Variants in SLC8A1 observed in about 807,000 individuals in gnomAD.
SLC8A1 encodes the protein solute carrier family 8 member A1.
SLC8A1 carries 18 observed loss-of-function variants against 68.3 expected under a neutral mutation model. The ratio of observed to expected loss-of-function variants is 0.26; its 90% confidence interval spans 0.18 to 0.39. SLC8A1 has a LOEUF of 0.39. Ranked by LOEUF, SLC8A1 falls within the 10% of genes least tolerant of loss-of-function variation. The pLI, the probability that SLC8A1 is intolerant of heterozygous loss-of-function variation, is 1.00. For synonymous variants in SLC8A1, 475 were observed against 415.5 expected, an observed-to-expected ratio of 1.14 and a Z score of -1.74; for missense variants, 985 against 1,156.7, an observed-to-expected ratio of 0.85 and a Z score of 2.15.
At chr2:40,341,408 T>C (rs1032740883) in intron 2 of SLC8A1, among the ~76,000 whole-genome samples, 2 of 152,196 alleles carry the variant, frequency 1.3e-5, no homozygotes, top group African/African-American at 2.4e-5. Flanking sequence ...CCATGACTCA[T>C]TGAAACTATT....
intron 1 of SLC8A1, among the ~76,000 whole-genome samples, chr2:40,447,330 T>C (rs1032195665): frequency 2.6e-5 from 4 of 152,144 alleles, no homozygotes; most frequent in African/African-American, 9.7e-5. Flanking sequence ...AGTATCAAAT[T>C]TGTATTACCC....
chr2:40,275,254 T>A (rs112202234), intron 2 of SLC8A1, among the ~76,000 whole-genome samples: 5 of 152,178 alleles, frequency 3.3e-5, no homozygotes, highest in Non-Finnish European at 7.4e-5. Context: ...ATTATGACCA[T>A]GAGGCACCTA....
intron 2 of SLC8A1, among the ~76,000 whole-genome samples, chr2:40,342,952 C>T (rs893832334): frequency 2.0e-5 from 3 of 152,024 alleles, no homozygotes; most frequent in Admixed American, 2.0e-4. Context: ...TCACAGTGTA[C>T]AATAAGAGAT....
At chr2:40,482,401 T>G (rs996727885) in intron 1 of SLC8A1, among the ~76,000 whole-genome samples, 2 of 152,110 alleles carry the variant, frequency 1.3e-5, no homozygotes, top group Non-Finnish European at 2.9e-5. Context: ...TTAAAAATCT[T>G]GTATTTGTAA....
intron 1 of SLC8A1, among the ~76,000 whole-genome samples, chr2:40,483,117 C>T (rs1704748116): frequency 6.6e-6 from 1 of 151,756 alleles, no homozygotes; most frequent in South Asian, 2.1e-4. Flanking sequence ...AGTTAGCACT[C>T]TTAATGAATG....
At chr2:40,509,427 G>A (rs1296229124) in intron 1 of SLC8A1, among the ~76,000 whole-genome samples, 1 of 148,092 alleles carries the variant, frequency 6.8e-6, no homozygotes, top group Non-Finnish European at 1.5e-5. Context: ...CCTGATCAAG[G>A]GGATTTGGAA....
At chr2:40,190,936 G>T (rs866179102) in intron 2 of SLC8A1, among the ~76,000 whole-genome samples, 16 of 151,254 alleles carry the variant, frequency 1.1e-4, no homozygotes, top group South Asian at 2.1e-4. Flanking sequence ...TGTGTGTGTG[G>T]GTGTGTGTGT....
At chr2:40,288,373 A>T (rs2068673943) in intron 2 of SLC8A1, among the ~76,000 whole-genome samples, 2 of 152,182 alleles carry the variant, frequency 1.3e-5, no homozygotes, top group Non-Finnish European at 2.9e-5. Flanking sequence ...TTGCTCAACT[A>T]AAGGAAAAGA....
chr2:40,141,549 C>G (rs1208988433), intron 6 of SLC8A1, among the ~76,000 whole-genome samples: 1 of 152,178 alleles, frequency 6.6e-6, no homozygotes, highest in East Asian at 1.9e-4. Context: ...GAGCTTGAGT[C>G]AGGTCAGCTC....
At chr2:40,255,589 C>G (rs1214095681) in intron 2 of SLC8A1, among the ~76,000 whole-genome samples, 1 of 152,174 alleles carries the variant, frequency 6.6e-6, no homozygotes, top group Non-Finnish European at 1.5e-5. Flanking sequence ...TACTTCACCT[C>G]TCTGGAGTTT....
At chr2:40,199,320 A>G (rs1227240987) in intron 2 of SLC8A1, among the ~76,000 whole-genome samples, 6 of 151,818 alleles carry the variant, frequency 4.0e-5, no homozygotes, top group East Asian at 3.9e-4. Context: ...CTGGCTTGCA[A>G]TGGATGAAGC....
chr2:40,240,178 A>AT (rs1558906947), intron 2 of SLC8A1, among the ~76,000 whole-genome samples: 1 of 152,236 alleles, frequency 6.6e-6, no homozygotes, highest in Non-Finnish European at 1.5e-5. Flanking sequence ...GTTATAAAAT[A>AT]TGAGTGGGAA....
At chr2:40,187,245 G>A (rs1477189927) in intron 2 of SLC8A1, among the ~76,000 whole-genome samples, 1 of 152,174 alleles carries the variant, frequency 6.6e-6, no homozygotes, top group African/African-American at 2.4e-5. Context: ...TACGCACAGG[G>A]ATCTGAAGTC....
intron 2 of SLC8A1, among the ~76,000 whole-genome samples, chr2:40,369,572 T>C (rs1049429723): frequency 2.6e-5 from 4 of 152,124 alleles, no homozygotes; most frequent in Admixed American, 2.6e-4. Context: ...AAATCTTAGT[T>C]GTTTAAATAA....
intron 1 of SLC8A1, among the ~76,000 whole-genome samples, chr2:40,476,296 G>A (rs1446208417): frequency 1.3e-5 from 2 of 152,068 alleles, no homozygotes; most frequent in African/African-American, 4.8e-5. Context: ...GGGATGCCTC[G>A]GACCTTTATC....
chr2:40,350,946 G>C (rs1312357127), intron 2 of SLC8A1, among the ~76,000 whole-genome samples: 1 of 152,228 alleles, frequency 6.6e-6, no homozygotes, highest in East Asian at 1.9e-4. Context: ...AAGGGCATGA[G>C]GCTAGTATAT....
intron 2 of SLC8A1, among the ~76,000 whole-genome samples, chr2:40,427,423 T>G (rs1697158693): frequency 6.6e-6 from 1 of 152,128 alleles, no homozygotes; most frequent in African/African-American, 2.4e-5. Flanking sequence ...TTTCTAAATG[T>G]CCAGTGCTTC....
intron 2 of SLC8A1, among the ~76,000 whole-genome samples, chr2:40,304,653 C>T (rs918202802): frequency 2.0e-5 from 3 of 152,134 alleles, no homozygotes; most frequent in Non-Finnish European, 2.9e-5. Flanking sequence ...AGAGTCTCGT[C>T]GTGCCCCTTT....
chr2:40,505,036 C>T (rs978758602), intron 1 of SLC8A1, among the ~76,000 whole-genome samples: 4 of 151,818 alleles, frequency 2.6e-5, no homozygotes, highest in African/African-American at 9.7e-5. Flanking sequence ...GCTTATAATA[C>T]CTAAGATTTG....
Sources: allele counts gnomAD v4.1 joint callset (sites outside exome capture counted in the v4.1 genomes callset), GRCh38; gene constraint gnomAD v4.1.1; transcripts MANE v1.5; gene names NCBI Gene and HGNC (gene_info 2026-07-23, HGNC 2026-07-21).